The following STPG2 variants were observed in gnomAD, a reference collection of about 807,000 sequenced individuals.
The protein encoded by STPG2 is sperm tail PG-rich repeat containing 2, also known as sperm-tail PG-rich repeat-containing protein 2.
STPG2 carries 56 observed loss-of-function variants against 54.2 expected under a neutral mutation model. The ratio of observed to expected loss-of-function variants is 1.03; its 90% CI spans 0.83 to 1.29. The LOEUF (loss-of-function observed/expected upper bound fraction) is 1.29, where lower values mean the gene tolerates loss of function less well. Ranked by LOEUF, STPG2 falls within the 50% of genes most tolerant of loss-of-function variation. The probability of loss-of-function intolerance (pLI) is 0.00; values close to 1 mark genes in which losing one functional copy is unlikely to be tolerated. For missense variants in STPG2, 596 were observed against 544.9 expected (o/e 1.09, Z -0.93); for synonymous variants, 200 against 181.8 (o/e 1.10, Z -0.81).
chr4:98,074,189 C>A (rs919833567), intron 5 of STPG2, among the ~76,000 whole-genome samples: 2 of 152,192 alleles, frequency 1.3e-5, no homozygotes, highest in Non-Finnish European at 2.9e-5. Flanking sequence ...ACTTCACCTT[C>A]ATTTCTGAAT....
chr4:97,587,856 T>C (rs1262911332), intron 10 of STPG2, among the ~76,000 whole-genome samples: 1 of 152,052 alleles, frequency 6.6e-6, no homozygotes, highest in African/African-American at 2.4e-5. Context: ...TAAGTCTGAA[T>C]GAATTCCTGA....
chr4:97,627,609 T>C lies in STPG2; in HGVS notation c.1321-68492A>G, dbSNP rs541529945. On this transcript the variant is annotated intron_variant, in intron 10 of 10. Transcript: ENST00000295268. ...ATACATATTGAGAGACAGTCTGTGA[T>C]TAGCCAAACATTTCCAAAAGTGGGT... Among the ~76,000 whole-genome samples, 163 of 152,308 alleles carry C rather than the reference T, an allele frequency of 1.1e-3. 1 individual carries two copies. The highest frequency in any genetic ancestry group is 3.9e-3 in the African/African-American group (161 of 41,578).
At chr4:97,678,540 G>A (rs868376255) in intron 10 of STPG2, among the ~76,000 whole-genome samples, 5 of 151,936 alleles carry the variant, frequency 3.3e-5, no homozygotes, top group South Asian at 2.1e-4. Flanking sequence ...TACTTTTTTC[G>A]TAACCCATAG....
chr4:98,107,047 T>G (rs1177370792), intron 4 of STPG2, among the ~76,000 whole-genome samples: 1 of 152,174 alleles, frequency 6.6e-6, no homozygotes, highest in Non-Finnish European at 1.5e-5. Context: ...CGCTCACTGC[T>G]AAAGGCTCAC....
At chr4:97,702,650 G>C (rs1723812172) in intron 10 of STPG2, among the ~76,000 whole-genome samples, 1 of 152,158 alleles carries the variant, frequency 6.6e-6, no homozygotes, top group Non-Finnish European at 1.5e-5. Context: ...CATGGGTCAA[G>C]AAGGAGATAT....
intron 8 of STPG2, among the ~76,000 whole-genome samples, chr4:97,850,716 A>G (rs1729132592): frequency 6.6e-6 from 1 of 152,178 alleles, no homozygotes; most frequent in African/African-American, 2.4e-5. Context: ...TGAAAGCCTA[A>G]TCTAGTAACT....
intron 10 of STPG2, among the ~76,000 whole-genome samples, chr4:97,640,857 A>T (rs1158672183): frequency 1.3e-5 from 2 of 151,606 alleles, no homozygotes; most frequent in Non-Finnish European, 3.0e-5. Context: ...TAGTCAAAGG[A>T]TGGGTGGGAA....
intron 4 of STPG2, among the ~76,000 whole-genome samples, chr4:97,535,148 A>C (rs1277547738): frequency 6.6e-6 from 1 of 152,228 alleles, no homozygotes; most frequent in Non-Finnish European, 1.5e-5. Flanking sequence ...GCAAATACTT[A>C]GGATGGATTG....
chr4:97,857,252 G>C (rs1426857232), intron 8 of STPG2, among the ~76,000 whole-genome samples: 2 of 152,012 alleles, frequency 1.3e-5, no homozygotes, highest in Non-Finnish European at 2.9e-5. Flanking sequence ...CTTCTTTGTA[G>C]CTCTGGAAGA....
At chr4:98,119,336 A>G (rs1739606514) in intron 3 of STPG2, among the ~76,000 whole-genome samples, 1 of 152,078 alleles carries the variant, frequency 6.6e-6, no homozygotes, top group Admixed American at 6.6e-5. Context: ...ATACAAACCC[A>G]TAACTGAAGC....
intron 8 of STPG2, among the ~76,000 whole-genome samples, chr4:97,940,559 T>G (rs1732938267): frequency 6.6e-6 from 1 of 152,160 alleles, no homozygotes; most frequent in African/African-American, 2.4e-5. Flanking sequence ...GTCTCCAAAT[T>G]CTAAGATTCT....
At chr4:97,919,033 G>T (rs528345752) in intron 8 of STPG2, among the ~76,000 whole-genome samples, 3 of 152,250 alleles carry the variant, frequency 2.0e-5, no homozygotes, top group Non-Finnish European at 4.4e-5. Context: ...TTCAATCATG[G>T]AAGTATGCTT....
intron 9 of STPG2, among the ~76,000 whole-genome samples, chr4:97,835,953 T>A (rs1257664613): frequency 6.6e-6 from 1 of 152,032 alleles, no homozygotes; most frequent in African/African-American, 2.4e-5. Flanking sequence ...ATGATTAAAC[T>A]TGAAAGGATG....
intron 8 of STPG2, among the ~76,000 whole-genome samples, chr4:97,858,619 T>A (rs1221154985): frequency 6.6e-6 from 1 of 152,206 alleles, no homozygotes; most frequent in Non-Finnish European, 1.5e-5. Context: ...TCCTCATAGC[T>A]TAGCTTCCAC....
intron 9 of STPG2, among the ~76,000 whole-genome samples, chr4:97,808,155 A>G (rs891200204): frequency 2.0e-5 from 3 of 152,066 alleles, no homozygotes; most frequent in Non-Finnish European, 4.4e-5. Context: ...CAGAGGGTAA[A>G]TGAACACAGG....
At chr4:98,091,441 C>T (rs1578846677) in intron 5 of STPG2, among the ~76,000 whole-genome samples, 1 of 152,070 alleles carries the variant, frequency 6.6e-6, no homozygotes, top group Admixed American at 6.5e-5. Flanking sequence ...TGTTGTACTC[C>T]GTCTGACAAA....
intron 8 of STPG2, among the ~76,000 whole-genome samples, chr4:97,901,103 T>C (rs891581894): frequency 2.0e-5 from 3 of 152,002 alleles, no homozygotes; most frequent in Admixed American, 6.6e-5. Context: ...CATAAGTATA[T>C]GGAAGACTTG....
chr4:97,758,247 G>A (rs1413646037), intron 9 of STPG2, among the ~76,000 whole-genome samples: 1 of 152,210 alleles, frequency 6.6e-6, no homozygotes, highest in African/African-American at 2.4e-5. Flanking sequence ...GAAAGGGAAA[G>A]TGGGAGGAGC....
At chr4:98,138,249 T>C (rs1740187251) in intron 1 of STPG2, among the ~76,000 whole-genome samples, 1 of 152,046 alleles carries the variant, frequency 6.6e-6, no homozygotes, top group Non-Finnish European at 1.5e-5. Context: ...TAGAAGAGTG[T>C]TCTGGGGAAT....
Sources: gnomAD v4.1 joint callset for allele counts (sites outside exome capture counted in the v4.1 genomes callset) on GRCh38, gnomAD v4.1.1 for gene constraint, MANE v1.5 for transcripts, NCBI Gene and HGNC (gene_info 2026-07-23, HGNC 2026-07-21) for gene names.